Variants in SORCS2 observed in about 807,000 individuals in gnomAD.
SORCS2 encodes the protein sortilin related VPS10 domain containing receptor 2.
Under a neutral mutation model 141.6 loss-of-function variants are expected in SORCS2, and 100 were observed. The ratio of observed to expected loss-of-function variants is 0.71; its 90% CI spans 0.60 to 0.83. SORCS2 has a LOEUF of 0.83. SORCS2 is among the 40% of genes least tolerant of loss of function. The pLI, the probability that SORCS2 is intolerant of heterozygous loss-of-function variation, is 0.00. For missense variants in SORCS2, 1,646 were observed against 1,560.2 expected (o/e 1.05, Z -0.93); for synonymous variants, 789 against 676.9 (o/e 1.17, Z -2.57).
intron 1 of SORCS2, among the ~76,000 whole-genome samples, chr4:7,366,317 G>A (rs891723369): frequency 1.3e-4 from 20 of 151,776 alleles, no homozygotes; most frequent in African/African-American, 4.8e-4. Context: ...GCTCCACCTG[G>A]CCTTGCGGTG....
chr4:7,543,456 C>G (rs1047783567), intron 3 of SORCS2, among the ~76,000 whole-genome samples: 1 of 131,614 alleles, frequency 7.6e-6, no homozygotes, highest in African/African-American at 3.0e-5. Flanking sequence ...TCCATCCATC[C>G]ATCCATCCAC....
intron 5 of SORCS2, among the ~76,000 whole-genome samples, chr4:7,657,716 C>CTGAGTGAGTGAGTCTGTGACTGTGAG (rs1721878289): frequency 1.3e-5 from 2 of 149,626 alleles, no homozygotes; most frequent in Admixed American, 6.6e-5. Flanking sequence ...GAGTGAGTAG[C>CTGAGTGAGTGAGTCTGTGACTGTGAG]TGAGTGAGTG....
intron 2 of SORCS2, chr4:7,431,221 G>T (rs956898987): frequency 2.0e-5 from 3 of 152,324 alleles, no homozygotes; most frequent in African/African-American, 7.2e-5. Flanking sequence ...CATGTGCTCA[G>T]TGGGTCTGTG....
In SORCS2 at chr4:7,272,871, C is replaced by T. The variant is rs58508908; in HGVS notation, c.480+79745C>T. Among the ~76,000 whole-genome samples the T allele has an allele frequency of 4.5e-3, 693 of 152,386 alleles. 6 individuals are homozygous for T. The highest frequency in any genetic ancestry group is 0.015 in the African/African-American group (641 of 41,594). Reference sequence around the variant, plus strand: ...CAGAGCATTCCTGCTCCAACTTTCCCCACCAGCACAGGCTCTCCAAGACCC... The same window carrying T: ...CAGAGCATTCCTGCTCCAACTTTCCTCACCAGCACAGGCTCTCCAAGACCC... On this transcript the variant is annotated intron_variant, in intron 1 of 26. Transcript: ENST00000507866.
At chr4:7,251,616 T>C (rs1320900907) in intron 1 of SORCS2, among the ~76,000 whole-genome samples, 2 of 152,202 alleles carry the variant, frequency 1.3e-5, no homozygotes, top group Non-Finnish European at 2.9e-5. Context: ...CGCTCCTGCC[T>C]AAGCCTCAGT....
At chr4:7,503,947 A>G (rs1423820849) in intron 2 of SORCS2, among the ~76,000 whole-genome samples, 1 of 152,274 alleles carries the variant, frequency 6.6e-6, no homozygotes, top group East Asian at 1.9e-4. Flanking sequence ...TTCCTCTGCC[A>G]GCCCCTCCCT....
At chr4:7,419,232 C>T (rs1373881276) in intron 2 of SORCS2, among the ~76,000 whole-genome samples, 1 of 152,210 alleles carries the variant, frequency 6.6e-6, no homozygotes, top group African/African-American at 2.4e-5. Flanking sequence ...TAGTTCCCAA[C>T]TGCTGAGTGC....
chr4:7,446,911 AC>A (rs1728038891), intron 2 of SORCS2, among the ~76,000 whole-genome samples: 1 of 152,156 alleles, frequency 6.6e-6, no homozygotes, highest in African/African-American at 2.4e-5. Context: ...ACTGAGGCTC[AC>A]CCTAGGTCAT....
intron 1 of SORCS2, among the ~76,000 whole-genome samples, chr4:7,382,310 G>A (rs375193125): frequency 6.7e-4 from 102 of 152,288 alleles, no homozygotes; most frequent in Middle Eastern, 3.4e-3. Context: ...GAGCCTGGGA[G>A]TGACATTGCC....
chr4:7,348,607 A>G (rs1460075997), intron 1 of SORCS2, among the ~76,000 whole-genome samples: 4 of 152,184 alleles, frequency 2.6e-5, no homozygotes, highest in Admixed American at 2.0e-4. Context: ...GCTGGAGTGC[A>G]GTGGCGCAAT....
At chr4:7,385,131 G>A (rs956700477) in intron 1 of SORCS2, among the ~76,000 whole-genome samples, 2 of 152,142 alleles carry the variant, frequency 1.3e-5, no homozygotes, top group African/African-American at 4.8e-5. Context: ...CAAAGCCCTA[G>A]GGTCTGCAGG....
intron 2 of SORCS2, among the ~76,000 whole-genome samples, chr4:7,527,209 C>G (rs1023056866): frequency 6.6e-6 from 1 of 152,232 alleles, no homozygotes; most frequent in Non-Finnish European, 1.5e-5. Flanking sequence ...GCTCAAATGC[C>G]CACTTGTGGT....
chr4:7,234,715 G>A (rs748729247), intron 1 of SORCS2, among the ~76,000 whole-genome samples: 2 of 152,242 alleles, frequency 1.3e-5, no homozygotes, highest in Non-Finnish European at 2.9e-5. Flanking sequence ...TTGCTGTCAC[G>A]GTGCCTGGCA....
chr4:7,537,861 G>A (rs907042780), intron 3 of SORCS2, among the ~76,000 whole-genome samples: 2 of 152,088 alleles, frequency 1.3e-5, no homozygotes, highest in Non-Finnish European at 2.9e-5. Flanking sequence ...GGCCTGGCAC[G>A]TATGGTCCCA....
chr4:7,729,011 A>G (rs1258906281), intron 22 of SORCS2, among the ~76,000 whole-genome samples: 2 of 152,226 alleles, frequency 1.3e-5, no homozygotes, highest in Non-Finnish European at 1.5e-5. Context: ...CCTCCCGTGA[A>G]TAATGCTGGT....
intron 1 of SORCS2, among the ~76,000 whole-genome samples, chr4:7,377,976 G>T (rs1229574080): frequency 6.6e-6 from 1 of 152,164 alleles, no homozygotes; most frequent in African/African-American, 2.4e-5. Context: ...ACCCTTCCAT[G>T]ATTTTCTTCT....
intron 1 of SORCS2, among the ~76,000 whole-genome samples, chr4:7,351,105 G>A (rs551652977): frequency 2.0e-5 from 3 of 152,172 alleles, no homozygotes; most frequent in Non-Finnish European, 4.4e-5. Flanking sequence ...ACCAACACAC[G>A]CTACACGCCC....
At chr4:7,388,396 G>A (rs1276722038) in intron 1 of SORCS2, among the ~76,000 whole-genome samples, 42 of 152,282 alleles carry the variant, frequency 2.8e-4, no homozygotes, top group Non-Finnish European at 4.4e-5. Context: ...CCGCCCGATG[G>A]GGGAGGGGAA....
intron 3 of SORCS2, among the ~76,000 whole-genome samples, chr4:7,634,880 G>A (rs1720142069): frequency 6.6e-6 from 1 of 152,146 alleles, no homozygotes; most frequent in South Asian, 2.1e-4. Context: ...AACCCCATCC[G>A]ATGCCCAGAA....
Sources: allele counts gnomAD v4.1 joint callset (sites outside exome capture counted in the v4.1 genomes callset), GRCh38; gene constraint gnomAD v4.1.1; transcripts MANE v1.5; gene names NCBI Gene and HGNC (gene_info 2026-07-23, HGNC 2026-07-21).